SMAP1: variants seen among roughly 807,000 people sequenced by gnomAD.
The protein encoded by SMAP1 is stromal membrane-associated protein 1.
Under a neutral mutation model 58.5 loss-of-function variants are expected in SMAP1, and 24 were observed. The ratio of observed to expected loss-of-function variants is 0.41; its 90% CI spans 0.30 to 0.58. SMAP1 has a LOEUF of 0.58. Among genes scored for constraint, SMAP1 ranks in the 20% least tolerant of loss-of-function variants. SMAP1 has a pLI of 0.29. For missense variants in SMAP1, 563 were observed against 566.3 expected (o/e 0.99, Z 0.06); for synonymous variants, 216 against 196.6 (o/e 1.10, Z -0.82).
At chr6:70,704,656 C>T (rs1458835824) in intron 1 of SMAP1, among the ~76,000 whole-genome samples, 1 of 152,090 alleles carries the variant, frequency 6.6e-6, no homozygotes, top group Non-Finnish European at 1.5e-5. Context: ...CTAATATATT[C>T]CACAGTTGTA....
At chr6:70,746,403 G>A (rs937735563) in intron 2 of SMAP1, among the ~76,000 whole-genome samples, 10 of 152,148 alleles carry the variant, frequency 6.6e-5, no homozygotes, top group African/African-American at 1.9e-4. Context: ...TTTTGTCAAA[G>A]GCCTTTTCTG....
At chr6:70,698,189 A>T (rs189344573) in intron 1 of SMAP1, among the ~76,000 whole-genome samples, 1 of 152,126 alleles carries the variant, frequency 6.6e-6, no homozygotes, top group Non-Finnish European at 1.5e-5. Context: ...TTCTAGGATA[A>T]AAGTTTTTTC....
intron 3 of SMAP1, among the ~76,000 whole-genome samples, chr6:70,759,035 A>T (rs758842371): frequency 2.0e-5 from 3 of 152,092 alleles, no homozygotes; most frequent in Non-Finnish European, 2.9e-5. Context: ...GTCGCTTAGC[A>T]TGTAGGTGAT....
chr6:70,825,876 C>T (rs1000156781), intron 6 of SMAP1, among the ~76,000 whole-genome samples: 6 of 152,216 alleles, frequency 3.9e-5, no homozygotes, highest in African/African-American at 1.4e-4. Flanking sequence ...CATGCCACTC[C>T]TGTGTGCCCC....
chr6:70,752,892 T>G (rs979350381), intron 2 of SMAP1, among the ~76,000 whole-genome samples: 1 of 152,182 alleles, frequency 6.6e-6, no homozygotes, highest in African/African-American at 2.4e-5. Context: ...CCATGCACTT[T>G]TACGCAGTCA....
chr6:70,841,963 A>G (rs1770823162), intron 7 of SMAP1, among the ~76,000 whole-genome samples: 1 of 152,218 alleles, frequency 6.6e-6, no homozygotes, highest in African/African-American at 2.4e-5. Flanking sequence ...ATATAAAGCA[A>G]ATTTGGGAAT....
intron 1 of SMAP1, among the ~76,000 whole-genome samples, chr6:70,687,043 G>A (rs568614006): frequency 6.6e-6 from 1 of 152,214 alleles, no homozygotes; most frequent in South Asian, 2.1e-4. Flanking sequence ...GTCCAGTGTG[G>A]AAGTCACTAG....
chr6:70,735,575 C>A (rs370931405), intron 2 of SMAP1, among the ~76,000 whole-genome samples: 1 of 152,140 alleles, frequency 6.6e-6, no homozygotes, highest in Non-Finnish European at 1.5e-5. Context: ...TTGAGACCAG[C>A]CTGGCCAACA....
At chr6:70,672,052 A>C (rs1387008572) in intron 1 of SMAP1, among the ~76,000 whole-genome samples, 2 of 152,156 alleles carry the variant, frequency 1.3e-5, no homozygotes, top group African/African-American at 2.4e-5. Flanking sequence ...GAGATCAAAC[A>C]CTCGTTTCTT....
At chr6:70,748,879 C>CATATAT (rs141576869) in intron 2 of SMAP1, among the ~76,000 whole-genome samples, 60 of 149,872 alleles carry the variant, frequency 4.0e-4, no homozygotes, top group African/African-American at 1.4e-3. Flanking sequence ...ATATTTTATG[C>CATATAT]ATATATATAT....
At chr6:70,805,819 G>T (rs758450120) in intron 6 of SMAP1, among the ~76,000 whole-genome samples, 3 of 152,172 alleles carry the variant, frequency 2.0e-5, no homozygotes, top group Admixed American at 1.3e-4. Flanking sequence ...GTTTTCCTGG[G>T]TGTCACCAGC....
At chr6:70,708,310 C>T (rs1015112237) in intron 1 of SMAP1, among the ~76,000 whole-genome samples, 2 of 152,112 alleles carry the variant, frequency 1.3e-5, no homozygotes, top group African/African-American at 4.8e-5. Context: ...CTTTTTCCCC[C>T]AAGGCCGAAT....
chr6:70,697,290 GTCTTC>G (rs1294605377), intron 1 of SMAP1, among the ~76,000 whole-genome samples: 1 of 150,166 alleles, frequency 6.7e-6, no homozygotes, highest in Non-Finnish European at 1.5e-5. Context: ...TTGTTTTGTG[GTCTTC>G]TCTTCCTTTA....
intron 1 of SMAP1, among the ~76,000 whole-genome samples, chr6:70,688,574 G>A (rs1391617263): frequency 1.3e-5 from 2 of 152,114 alleles, no homozygotes; most frequent in Non-Finnish European, 2.9e-5. Flanking sequence ...TCATGTGCCA[G>A]TTTTCCATCT....
Position 70,791,693 on chromosome 6 carries a change from C to T in SMAP1, c.419C>T (p.Ser140Phe). ...CTTTTCACCTGTACTCCACAGATTT[C>T]CTCCTCTGATGCTCCTCTTCAGCCT... ...DKNAIAITNI[S>F]SSDAPLQPLV... The change falls in exon 5 of 11, where the codon TCC becomes TTC. Residue 140 changes from serine to phenylalanine, a missense_variant. Physicochemically the swap from Ser to Phe is radical, Grantham distance 155. Coordinates refer to ENST00000370455, the MANE Select transcript of SMAP1 (RefSeq NM_001044305.3). The T allele has an allele frequency of 1.2e-6, 2 of 1,612,116 alleles. No individual in the cohort carries two copies. Among genetic ancestry groups the T allele is most frequent in the Non-Finnish European group, 1.7e-6 (2 of 1,179,146 alleles).
intron 6 of SMAP1, among the ~76,000 whole-genome samples, chr6:70,813,678 G>A (rs1289246460): frequency 2.0e-5 from 3 of 152,034 alleles, no homozygotes; most frequent in African/African-American, 4.8e-5. Context: ...TGTTCTAGAT[G>A]TGTTAATATA....
intron 1 of SMAP1, among the ~76,000 whole-genome samples, chr6:70,675,669 A>T (rs1562085864): frequency 6.6e-6 from 1 of 151,988 alleles, no homozygotes; most frequent in Admixed American, 6.6e-5. Flanking sequence ...AAAAAAAAGA[A>T]AAAAACAACT....
chr6:70,715,334 C>T (rs923960361), intron 1 of SMAP1, among the ~76,000 whole-genome samples: 1 of 151,976 alleles, frequency 6.6e-6, no homozygotes, highest in African/African-American at 2.4e-5. Flanking sequence ...GGGCTCAGTC[C>T]ACCTGTCTTG....
At chr6:70,824,437 G>A (rs1026802591) in intron 6 of SMAP1, among the ~76,000 whole-genome samples, 4 of 152,112 alleles carry the variant, frequency 2.6e-5, no homozygotes, top group East Asian at 1.9e-4. Context: ...AAAAAGTACC[G>A]TTAAAGGTAC....
Sources: allele counts gnomAD v4.1 joint callset (sites outside exome capture counted in the v4.1 genomes callset), GRCh38; gene constraint gnomAD v4.1.1; transcripts MANE v1.5; gene names NCBI Gene and HGNC (gene_info 2026-07-23, HGNC 2026-07-21).